ZNF385D: variants seen among roughly 807,000 people sequenced by gnomAD.
ZNF385D encodes zinc finger protein 659.
A neutral mutation model predicts 35.8 loss-of-function variants in ZNF385D; 15 were observed. The observed-to-expected ratio is 0.42, with a 90% confidence interval of 0.28 to 0.64. The LOEUF is 0.64. Ranked by LOEUF, ZNF385D falls within the 30% of genes least tolerant of loss-of-function variation. The pLI is 0.23. For missense variants in ZNF385D, 474 were observed against 494.6 expected (o/e 0.96, Z 0.39); for synonymous variants, 212 against 186.8 (o/e 1.13, Z -1.10).
At chr3:21,544,791 G>A (rs13076383) in intron 3 of ZNF385D, among the ~76,000 whole-genome samples, 23,113 of 152,116 alleles carry the variant, frequency 0.15, 1,916 homozygotes, top group Admixed American at 0.24. Context: ...CTGGAATTCT[G>A]TTTCATAATA....
At chr3:21,793,128 T>A (rs2071997728) in intron 3 of ZNF385D, among the ~76,000 whole-genome samples, 1 of 152,164 alleles carries the variant, frequency 6.6e-6, no homozygotes, top group Non-Finnish European at 1.5e-5. Context: ...TATATAGAAT[T>A]CAATGCCAAT....
chr3:21,479,053 A>C (rs759616536), intron 4 of ZNF385D, among the ~76,000 whole-genome samples: 15 of 151,480 alleles, frequency 9.9e-5, no homozygotes, highest in Non-Finnish European at 1.8e-4. Context: ...TATTGGGTAT[A>C]TATATATAAA....
intron 3 of ZNF385D, among the ~76,000 whole-genome samples, chr3:22,081,886 A>G (rs1419149793): frequency 6.6e-6 from 1 of 152,130 alleles, no homozygotes; most frequent in African/African-American, 2.4e-5. Flanking sequence ...ATAGTATATA[A>G]ATGATCTTAG....
chr3:22,139,561 A>T (rs1314292648), intron 3 of ZNF385D, among the ~76,000 whole-genome samples: 1 of 151,660 alleles, frequency 6.6e-6, no homozygotes, highest in Non-Finnish European at 1.5e-5. Context: ...TGGGAATTGA[A>T]CAATGAGAAC....
chr3:22,298,096 C>G (rs57782453), intron 2 of ZNF385D, among the ~76,000 whole-genome samples: 2 of 151,866 alleles, frequency 1.3e-5, no homozygotes, highest in Non-Finnish European at 2.9e-5. Flanking sequence ...TTTATTTAAA[C>G]AGGCATATAA....
At chr3:21,866,590 G>T (rs148823414) in intron 3 of ZNF385D, among the ~76,000 whole-genome samples, 198 of 152,310 alleles carry the variant, frequency 1.3e-3, no homozygotes, top group African/African-American at 4.4e-3. Flanking sequence ...TTCTGATTCA[G>T]TAGGTATGGG....
chr3:21,681,009 T>C (rs2066882457), intron 1 of ZNF385D, among the ~76,000 whole-genome samples: 1 of 152,122 alleles, frequency 6.6e-6, no homozygotes, highest in Non-Finnish European at 1.5e-5. Flanking sequence ...TTCTGTATTT[T>C]TAAAATGTTG....
At chr3:21,783,985 C>A (rs1407666344) in intron 3 of ZNF385D, among the ~76,000 whole-genome samples, 1 of 152,052 alleles carries the variant, frequency 6.6e-6, no homozygotes, top group Non-Finnish European at 1.5e-5. Context: ...TTTTTCTTTT[C>A]CTTTTTTTCA....
intron 3 of ZNF385D, among the ~76,000 whole-genome samples, chr3:21,880,374 G>A (rs1376137547): frequency 6.6e-6 from 1 of 151,870 alleles, no homozygotes; most frequent in East Asian, 1.9e-4. Context: ...TCACATTTTG[G>A]TAATTCTTGC....
At chr3:21,768,515 G>A (rs2070931411) in intron 3 of ZNF385D, among the ~76,000 whole-genome samples, 1 of 151,898 alleles carries the variant, frequency 6.6e-6, no homozygotes, top group South Asian at 2.1e-4. Flanking sequence ...CAGTAAAGTG[G>A]AGGGAATTTT....
At chr3:22,067,539 A>G (rs1349492684) in intron 3 of ZNF385D, among the ~76,000 whole-genome samples, 1 of 152,222 alleles carries the variant, frequency 6.6e-6, no homozygotes, top group Non-Finnish European at 1.5e-5. Context: ...ACAGAAGTGT[A>G]TATCCCATTT....
intron 3 of ZNF385D, among the ~76,000 whole-genome samples, chr3:21,518,220 A>AT (rs961207776): frequency 4.0e-5 from 6 of 151,402 alleles, no homozygotes; most frequent in Admixed American, 1.3e-4. Flanking sequence ...AAAATTATCG[A>AT]TTTTTTTTTC....
At chr3:22,278,695 T>C (rs1701559361) in intron 2 of ZNF385D, among the ~76,000 whole-genome samples, 1 of 152,140 alleles carries the variant, frequency 6.6e-6, no homozygotes, top group Non-Finnish European at 1.5e-5. Context: ...CACTTCTTTT[T>C]CATTTCTTCC....
At chr3:22,297,865 C>T (rs941338954) in intron 2 of ZNF385D, among the ~76,000 whole-genome samples, 10 of 152,010 alleles carry the variant, frequency 6.6e-5, no homozygotes, top group African/African-American at 1.4e-4. Flanking sequence ...TATGTTTAAA[C>T]GTACAACGCG....
At chr3:22,064,251 A>G (rs1053576053) in intron 3 of ZNF385D, among the ~76,000 whole-genome samples, 1 of 152,206 alleles carries the variant, frequency 6.6e-6, no homozygotes, top group African/African-American at 2.4e-5. Context: ...CGAAGGGGTC[A>G]AAAGAGATTC....
At chr3:21,437,741 T>C (rs1701643359) in intron 4 of ZNF385D, among the ~76,000 whole-genome samples, 1 of 136,376 alleles carries the variant, frequency 7.3e-6, no homozygotes, top group Admixed American at 7.8e-5. Flanking sequence ...ATGCCATAAT[T>C]GCTTTGACCA....
Position 21,455,114 on chromosome 3 carries a change from C to T in ZNF385D, c.440-17911G>A, listed in dbSNP as rs574537350. Among the ~76,000 whole-genome samples, 282 of 152,156 alleles carry T rather than the reference C, an allele frequency of 1.9e-3. 2 individuals carry two copies. Among genetic ancestry groups the T allele is most frequent in the African/African-American group, 4.7e-3 (194 of 41,518 alleles). On this transcript the variant is annotated intron_variant, in intron 4 of 7. Transcript: ENST00000281523. The stretch of plus-strand genomic sequence containing the variant: ...CACAAACAAATGGAAGAACATTCCA[C>T]GCTCATGGATAGGAAGAATCAATAT...
chr3:21,875,721 C>T (rs1045267940), intron 3 of ZNF385D, among the ~76,000 whole-genome samples: 13 of 152,032 alleles, frequency 8.6e-5, no homozygotes, highest in South Asian at 2.1e-4. Context: ...TATCAAACTC[C>T]GAGGCCACTC....
At chr3:22,365,939 T>G in intron 2 of ZNF385D, among the ~76,000 whole-genome samples, 1 of 152,144 alleles carries the variant, frequency 6.6e-6, no homozygotes, top group African/African-American at 2.4e-5. Context: ...CCTCACAGTA[T>G]TTATTGTTTC....
Sources: gnomAD v4.1 joint callset for allele counts (sites outside exome capture counted in the v4.1 genomes callset) on GRCh38, gnomAD v4.1.1 for gene constraint, MANE v1.5 for transcripts, NCBI Gene and HGNC (gene_info 2026-07-23, HGNC 2026-07-21) for gene names.